Variants in EPHA4 observed in about 807,000 individuals in gnomAD.
EPHA4 encodes ephrin type-A receptor 4.
EPHA4 carries 19 observed loss-of-function variants against 108.3 expected under a neutral mutation model. The ratio of observed to expected loss-of-function variants is 0.18; its 90% CI spans 0.12 to 0.26. EPHA4 has a LOEUF of 0.26. Among genes scored for constraint, EPHA4 ranks in the 10% least tolerant of loss-of-function variants. The pLI is 1.00. For missense variants in EPHA4, 917 were observed against 1,254.0 expected (o/e 0.73, Z 4.06); for synonymous variants, 449 against 455.5 (o/e 0.99, Z 0.18).
At chr2:221,456,250 T>A (rs1690949698) in intron 7 of EPHA4, among the ~76,000 whole-genome samples, 1 of 152,136 alleles carries the variant, frequency 6.6e-6, no homozygotes, top group Admixed American at 6.6e-5. Context: ...TTTGGCGCCT[T>A]CTTTAATCTT....
Position 221,459,145 on chromosome 2 carries a change from C to G in EPHA4, c.1319-1155G>C, listed in dbSNP as rs115655164. Among the ~76,000 whole-genome samples the G allele has an allele frequency of 6.0e-3, 909 of 152,178 alleles. 9 individuals carry two copies. Among genetic ancestry groups the G allele is most frequent in the African/African-American group, 0.021 (865 of 41,532 alleles). On this transcript the variant is annotated intron_variant, in intron 5 of 17. Coordinates refer to ENST00000281821, the MANE Select transcript of EPHA4 (RefSeq NM_004438.5). ...TTCAAACCTGCTTGACCATGTCTGA[C>G]GAGTATACTGATGGCAGGGAAGCCA...
intron 2 of EPHA4, among the ~76,000 whole-genome samples, chr2:221,565,346 G>A (rs945099795): frequency 5.3e-5 from 8 of 152,118 alleles, no homozygotes; most frequent in South Asian, 2.1e-4. Flanking sequence ...AAAATAATCC[G>A]AAAAGCAGCA....
chr2:221,490,869 A>C (rs1692121830), intron 4 of EPHA4, among the ~76,000 whole-genome samples: 2 of 152,374 alleles, frequency 1.3e-5, no homozygotes, highest in South Asian at 4.1e-4. Flanking sequence ...GTTTACATAA[A>C]GATGGCTGTT....
In EPHA4 at chr2:221,436,570, G is replaced by A. The variant is rs1355825664; in HGVS notation, c.2175C>T (p.Gly725=). ...TCCCAGACCCAATGCCACGAAGCAT[G>A]CCCACCAGCTGAATGACTGTAAATC... is the stretch of plus-strand genomic sequence containing the variant. The part of the protein sequence containing the change: ...DGRFTVIQLV[G]MLRGIGSGMK... Residue 725 remains glycine, a synonymous_variant, in exon 13 of 18, where the codon GGC becomes GGT. Transcript: ENST00000281821. The A allele has an allele frequency of 1.2e-6, 2 of 1,614,018 alleles. No homozygotes were observed. Among genetic ancestry groups the A allele is most frequent in the Non-Finnish European group, 1.7e-6 (2 of 1,180,032 alleles).
chr2:221,531,417 G>C (rs1039401158), intron 3 of EPHA4, among the ~76,000 whole-genome samples: 5 of 151,990 alleles, frequency 3.3e-5, no homozygotes, highest in African/African-American at 1.2e-4. Flanking sequence ...CTCTTTCAAA[G>C]AATTTTGTAT....
At chr2:221,496,501 C>T (rs1056962084) in intron 4 of EPHA4, among the ~76,000 whole-genome samples, 2 of 152,156 alleles carry the variant, frequency 1.3e-5, no homozygotes, top group Admixed American at 6.5e-5. Flanking sequence ...GCCTGACTTA[C>T]GACTATATCT....
chr2:221,503,081 C>A (rs182782107), intron 3 of EPHA4, among the ~76,000 whole-genome samples: 2 of 152,320 alleles, frequency 1.3e-5, no homozygotes, highest in African/African-American at 4.8e-5. Context: ...TTTCTCACAT[C>A]AAACACAATG....
chr2:221,477,235 T>C (rs1018765574), intron 5 of EPHA4, among the ~76,000 whole-genome samples: 3 of 152,174 alleles, frequency 2.0e-5, no homozygotes, highest in Non-Finnish European at 2.9e-5. Flanking sequence ...GGGAGCATCA[T>C]GCTTTCAGCA....
chr2:221,455,540 T>G lies in EPHA4; in HGVS notation c.1715+7A>C. ...GGGGCTGCACAGTGAGTGGCTTCAG[T>G]GCTTACCTCCGGCTGATGACAAAAG... On this transcript the variant is annotated splice_region_variant and intron_variant, in intron 8 of 17. Coordinates refer to ENST00000281821, the MANE Select transcript of EPHA4 (RefSeq NM_004438.5). 1.2e-6 allele frequency: 2 copies of G among 1,611,340 alleles called. No individual in the cohort carries two copies. The highest frequency in any genetic ancestry group is 1.7e-6 in the Non-Finnish European group (2 of 1,177,704).
At chr2:221,535,341 C>T (rs1359694766) in intron 3 of EPHA4, among the ~76,000 whole-genome samples, 4 of 152,166 alleles carry the variant, frequency 2.6e-5, no homozygotes, top group Non-Finnish European at 4.4e-5. Flanking sequence ...AAGGTATAAA[C>T]TCATTTTTGC....
chr2:221,423,918 C>A (rs1008493291), intron 17 of EPHA4, among the ~76,000 whole-genome samples: 1 of 152,022 alleles, frequency 6.6e-6, no homozygotes. Context: ...GAGTTCGAGA[C>A]CAGCCTGGTC....
chr2:221,540,077 G>A (rs1693788871), intron 3 of EPHA4, among the ~76,000 whole-genome samples: 1 of 152,028 alleles, frequency 6.6e-6, no homozygotes, highest in Non-Finnish European at 1.5e-5. Context: ...GTGCCACCAT[G>A]CCCAGCTATT....
At chr2:221,466,444 T>C (rs527282489) in intron 5 of EPHA4, among the ~76,000 whole-genome samples, 60 of 152,336 alleles carry the variant, frequency 3.9e-4, no homozygotes, top group African/African-American at 1.4e-3. Context: ...ATTTCATCCC[T>C]ATAACTCTCT....
chr2:221,555,652 C>T lies in EPHA4; in HGVS notation c.823+8079G>A, dbSNP rs562794823. 5.3e-5 allele frequency among the ~76,000 whole-genome samples: 8 copies of T among 152,308 alleles called. No individual in the cohort carries two copies. The East Asian group carries it at 1.5e-3, about 29-fold the overall frequency. ...CCCCAAAACAGCTCAGAGGTACCAG[C>T]TGTAACAGGATACAGGGAGAAAGCT... On this transcript the variant is annotated intron_variant, in intron 3 of 17. Coordinates refer to ENST00000281821, the MANE Select transcript of EPHA4 (RefSeq NM_004438.5).
intron 3 of EPHA4, among the ~76,000 whole-genome samples, chr2:221,516,890 A>G (rs1317317172): frequency 2.0e-5 from 3 of 152,022 alleles, no homozygotes; most frequent in African/African-American, 4.8e-5. Context: ...GTTTATTGAA[A>G]TTTCTCTTAC....
chr2:221,482,188 C>T (rs1470033026), intron 5 of EPHA4, among the ~76,000 whole-genome samples, 164 bp downstream of exon 5: 2 of 152,098 alleles, frequency 1.3e-5, no homozygotes, highest in South Asian at 2.1e-4. Context: ...TGGGATTACA[C>T]GTGTAAGCCA....
intron 3 of EPHA4, among the ~76,000 whole-genome samples, chr2:221,522,212 T>C (rs6737671): frequency 0.56 from 85,614 of 152,020 alleles, 24,877 homozygotes; most frequent in African/African-American, 0.71. Context: ...CAGATAATGC[T>C]ACATTCATCG....
intron 4 of EPHA4, among the ~76,000 whole-genome samples, chr2:221,496,718 G>A (rs1388643636): frequency 6.6e-6 from 1 of 152,120 alleles, no homozygotes; most frequent in African/African-American, 2.4e-5. Context: ...GACCAGCCTG[G>A]CCAACATGGT....
At chr2:221,480,106 G>A (rs1691774257) in intron 5 of EPHA4, among the ~76,000 whole-genome samples, 1 of 94,324 alleles carries the variant, frequency 1.1e-5, no homozygotes, top group African/African-American at 4.2e-5. Context: ...GAGGATTTTA[G>A]TGTGTCTTCT....
Sources: allele counts gnomAD v4.1 joint callset (sites outside exome capture counted in the v4.1 genomes callset), GRCh38; gene constraint gnomAD v4.1.1; transcripts MANE v1.5; gene names NCBI Gene and HGNC (gene_info 2026-07-23, HGNC 2026-07-21).